The following ZNF581 variants were observed in gnomAD, a reference collection of about 807,000 sequenced individuals.
The protein encoded by ZNF581 is zinc finger protein 581.
A neutral mutation model predicts 1.2 loss-of-function variants in ZNF581; 1 was observed. That is an observed-to-expected ratio of 0.83 (90% CI 0.30 to 3.95). The LOEUF is 3.95. Among genes scored for constraint, ZNF581 ranks in the 30% most tolerant of loss-of-function variants. ZNF581 has a pLI of 0.18. For synonymous variants in ZNF581, 105 were observed against 109.2 expected (o/e 0.96, Z 0.24); for missense variants, 273 against 274.6 (o/e 0.99, Z 0.04).
upstream of ZNF581, chr19:55,641,274 G>A: frequency 1.2e-6 from 1 of 802,678 alleles, no homozygotes; most frequent in Non-Finnish European, 1.5e-6. Flanking sequence ...CACCCGGGAT[G>A]GGGGTGGGGG....
At position 55,644,857 on chromosome 19, in the gene ZNF581, T is replaced by TTCG; in HGVS notation, c.287_289dup (p.Phe96_Glu97insVal). On this transcript the variant is annotated inframe_insertion, in exon 2 of 2. Transcript: ENST00000270451. This position sits in a 1 kb window ranked among gnomAD's most constrained non-coding sequence, Gnocchi z 4.3. ...CAGCTGCCCCGTGTGCTCAAGGGTC[T>TTCG]TCGAGTACATGTCCTACCTTCAGCG... 6.2e-7 allele frequency: 1 copy of TTCG among 1,613,410 alleles called. No homozygotes were observed. The highest frequency in any genetic ancestry group is 8.5e-7 in the Non-Finnish European group (1 of 1,179,362).
chr19:55,636,100 C>T (rs1183116058), upstream of ZNF581, among the ~76,000 whole-genome samples: 1 of 152,170 alleles, frequency 6.6e-6, no homozygotes, highest in East Asian at 1.9e-4. Flanking sequence ...GGCTGAGAAA[C>T]TCGGACTTGG....
chr19:55,642,122 G>C, upstream of ZNF581: 2 of 1,011,318 alleles, frequency 2.0e-6, no homozygotes, highest in Non-Finnish European at 2.4e-6. Flanking sequence ...CGGCGGTCAG[G>C]AGGCCCGGGG....
Position 55,645,265 on chromosome 19 carries a change from T to A in ZNF581, c.*100T>A, listed in dbSNP as rs1982784707. On this transcript the variant is annotated 3_prime_UTR_variant, in exon 2 of 2. Coordinates refer to ENST00000270451, the MANE Select transcript of ZNF581 (RefSeq NM_016535.4). ...AGCCTGAGGCTGGTGTTCAGGGCCC[T>A]GGACACAGACACAGAGCAGCCGCAT... 19 of 1,091,886 alleles carry A rather than the reference T, an allele frequency of 1.7e-5. No individual in the cohort carries two copies. The South Asian group carries it at 3.5e-4, about 20-fold the overall frequency. The allele number at this position is 1,091,886 out of a possible 1,614,324, so 67.6% of individuals were successfully genotyped here.
At chr19:55,641,237 A>C (rs1349176789), upstream of ZNF581, 5 of 971,772 alleles carry the variant, frequency 5.1e-6, no homozygotes, top group Non-Finnish European at 6.1e-6. Context: ...CGCCGGGGCC[A>C]GGCAGGCTGG....
upstream of ZNF581, chr19:55,643,388 G>A: frequency 3.8e-6 from 1 of 263,074 alleles, no homozygotes; most frequent in Non-Finnish European, 7.7e-6. Context: ...TAAAGAGCAC[G>A]GGCACGGTCT....
At position 55,644,707 on chromosome 19, in the gene ZNF581, TCTC is replaced by T. The variant is rs1371440402; in HGVS notation, c.141_143del (p.Pro48del). ...CTCCATCGGATCTCCCCAGGCTTCA[TCTC>T]CTCCAAGGCCCAACCACTACCTGCT... On this transcript the variant is annotated inframe_deletion, in exon 2 of 2. Transcript: ENST00000270451. The surrounding 1 kb of genome is among the most constrained non-coding windows in gnomAD (Gnocchi z 4.3). 1.2e-6 allele frequency: 2 copies of T among 1,613,872 alleles called. No homozygotes were observed. Among genetic ancestry groups the T allele is most frequent in the South Asian group, 1.1e-5 (1 of 91,056 alleles).
upstream of ZNF581, among the ~76,000 whole-genome samples, chr19:55,636,372 C>T (rs1265359254): frequency 1.3e-5 from 2 of 151,848 alleles, no homozygotes; most frequent in Non-Finnish European, 2.9e-5. Context: ...GAAATGGGGA[C>T]GTCCAAAGTT....
upstream of ZNF581, among the ~76,000 whole-genome samples, chr19:55,637,334 G>A (rs560398901): frequency 8.5e-5 from 13 of 152,262 alleles, no homozygotes; most frequent in African/African-American, 3.1e-4. Flanking sequence ...CCAGGAGTTC[G>A]AGACCAGTCT....
At chr19:55,640,900 C>T (rs12979101), upstream of ZNF581, 3 of 985,146 alleles carry the variant, frequency 3.0e-6, no homozygotes, top group Admixed American at 6.2e-5. Context: ...GACCCCACGC[C>T]TCCGGTCCCC....
Position 55,644,466 on chromosome 19 carries a change from C to A in ZNF581, c.-19-87C>A. The A allele has an allele frequency of 1.2e-6, 1 of 835,278 alleles. No individual in the cohort carries two copies. The highest frequency in any genetic ancestry group is 1.8e-6 in the Non-Finnish European group (1 of 548,776). The allele number at this position is 835,278 out of a possible 1,614,324, so 51.7% of individuals were successfully genotyped here. On this transcript the variant is annotated intron_variant, in intron 1 of 1. Coordinates refer to ENST00000270451, the MANE Select transcript of ZNF581 (RefSeq NM_016535.4). This position sits in a 1 kb window ranked among gnomAD's most constrained non-coding sequence, Gnocchi z 4.3. ...GCAGCAGGATGCAGAGGTCCTGGGCCGGGTATAGGGAGGGAAAAGGATGGA... is the reference window on the plus strand; with the variant it reads ...GCAGCAGGATGCAGAGGTCCTGGGCAGGGTATAGGGAGGGAAAAGGATGGA...
upstream of ZNF581, among the ~76,000 whole-genome samples, chr19:55,639,024 A>AG (rs1982274917): frequency 6.7e-6 from 1 of 148,786 alleles, no homozygotes; most frequent in Admixed American, 6.7e-5. Flanking sequence ...AAAAAAAAAA[A>AG]GAAAAAAAAA....
At chr19:55,641,684 T>C (rs999968534), upstream of ZNF581, 1 of 145,406 alleles carries the variant, frequency 6.9e-6, no homozygotes, top group South Asian at 2.3e-4. Flanking sequence ...GTCACCGCCA[T>C]ATATGGGGGG....
rs1982724857 is a variant in ZNF581 at position 55,644,383 on chromosome 19, C to A, written c.-19-170C>A. On this transcript the variant is annotated intron_variant, in intron 1 of 1. Coordinates refer to ENST00000270451, the MANE Select transcript of ZNF581 (RefSeq NM_016535.4). The surrounding 1 kb of genome is among the most constrained non-coding windows in gnomAD (Gnocchi z 4.3). Reference sequence around the variant, plus strand: ...TTTCCAAGGAGGAAGACCCTGGGGACCTTTTAGGGGGCCACAGACTCCAGC... The same window carrying A: ...TTTCCAAGGAGGAAGACCCTGGGGAACTTTTAGGGGGCCACAGACTCCAGC... Among the ~76,000 whole-genome samples the A allele has an allele frequency of 6.6e-6, 1 of 152,022 alleles. No individual in the cohort carries two copies. Among genetic ancestry groups the A allele is most frequent in the South Asian group, 2.1e-4 (1 of 4,832 alleles).
At chr19:55,643,515 G>GT, upstream of ZNF581, 1 of 161,086 alleles carries the variant, frequency 6.2e-6, no homozygotes. Context: ...GGGTGCTGGG[G>GT]GGTGGAGACC....
rs1488644747 is a variant in ZNF581, at chr19:55,644,519, A to T, written c.-19-34A>T. On this transcript the variant is annotated intron_variant, in intron 1 of 1. Coordinates refer to ENST00000270451, the MANE Select transcript of ZNF581 (RefSeq NM_016535.4). The surrounding 1 kb of genome is among the most constrained non-coding windows in gnomAD (Gnocchi z 4.3). ...CTGTGGTGCTGAGCTGCCCTCTTCT[A>T]TATAACCTTCTTATCCCATCTCCCA... 1.4e-6 allele frequency: 2 copies of T among 1,385,472 alleles called. No homozygotes were observed. The highest frequency in any genetic ancestry group is 2.2e-5 in the Admixed American group (1 of 44,934). 85.8% of individuals were successfully genotyped at this position (1,385,472 alleles called of 1,614,324 possible). A position where few individuals can be genotyped will look rare whatever the true frequency, so the allele number is the denominator to read the frequency against.
chr19:55,642,243 G>C (rs1394706482), upstream of ZNF581: 1 of 1,219,960 alleles, frequency 8.2e-7, no homozygotes, highest in Non-Finnish European at 1.0e-6. Flanking sequence ...CCTGACCTGA[G>C]TGGTGAGAGG....
At chr19:55,643,796 A>AGGGGGCT (rs1405765985) in intron 1 of ZNF581, 22 bp downstream of exon 1, 1 of 102,620 alleles carries the variant, frequency 9.7e-6, no homozygotes, top group Non-Finnish European at 2.2e-5. Context: ...GGGAGGAGGA[A>AGGGGGCT]GGGGGCTGGG....
At chr19:55,640,615 C>T (rs1982396140), upstream of ZNF581, 2 of 985,336 alleles carry the variant, frequency 2.0e-6, no homozygotes, top group African/African-American at 1.7e-5. Context: ...ACGGCCCGGC[C>T]ACATCGGAGC....
Sources: allele counts gnomAD v4.1 joint callset (sites outside exome capture counted in the v4.1 genomes callset), GRCh38; gene constraint gnomAD v4.1.1; non-coding constraint Gnocchi (gnomAD v3.1); transcripts MANE v1.5; gene names NCBI Gene and HGNC (gene_info 2026-07-23, HGNC 2026-07-21).